ATP1A1: variants seen among roughly 807,000 people sequenced by gnomAD.
ATP1A1 encodes the protein sodium/potassium-transporting ATPase subunit alpha-1.
In ATP1A1, 14 loss-of-function variants were observed where a neutral mutation model predicts 114.8. The ratio of observed to expected loss-of-function variants is 0.12; its 90% CI spans 0.08 to 0.19. The LOEUF (loss-of-function observed/expected upper bound fraction) is 0.19, where lower values mean the gene tolerates loss of function less well. Among genes scored for constraint, ATP1A1 ranks in the 10% least tolerant of loss-of-function variants. The probability of loss-of-function intolerance (pLI) is 1.00; values close to 1 mark genes in which losing one functional copy is unlikely to be tolerated. For synonymous variants in ATP1A1, 471 were observed against 466.3 expected (o/e 1.01, Z -0.13); for missense variants, 524 against 1,290.7 (o/e 0.41, Z 9.10).
chr1:116,389,752 G>A lies in ATP1A1; in HGVS notation c.1023+45G>A, dbSNP rs200521791. On this transcript the variant is annotated intron_variant, in intron 8 of 22. Transcript: ENST00000295598. This position sits in a 1 kb window ranked among gnomAD's most constrained non-coding sequence, Gnocchi z 6.9. The stretch of plus-strand genomic sequence containing the variant: ...CACCCTGACTCAGATCAGCTTGCAC[G>A]AATGTTACACTCTTCCGCTATCCTA... 40 of 1,609,592 alleles carry A rather than the reference G, an allele frequency of 2.5e-5. No homozygotes were observed. The East Asian group carries it at 3.8e-4, about 15-fold the overall frequency.
chr1:116,390,025 A>C (rs148221990), intron 8 of ATP1A1, 188 bp from the exon 9 acceptor site: 5 of 690,054 alleles, frequency 7.2e-6, no homozygotes, highest in South Asian at 5.8e-5. Flanking sequence ...ATTTTTCTTA[A>C]TAGATTGCTT....
chr1:116,401,749 T>G lies in ATP1A1; in HGVS notation c.2951+94T>G. 1 of 1,318,010 alleles carries G rather than the reference T, an allele frequency of 7.6e-7. No individual in the cohort carries two copies. Among genetic ancestry groups the G allele is most frequent in the Non-Finnish European group, 1.1e-6 (1 of 931,656 alleles). 81.6% of individuals were successfully genotyped at this position (1,318,010 alleles called of 1,614,324 possible). ...TGGTAATAGTTGTTATTTTCAGAAT[T>G]TTGAGTGGTATGTACAAAAATTCCT... On this transcript the variant is annotated intron_variant, in intron 21 of 22. Transcript: ENST00000295598. The surrounding 1 kb of genome is among the most constrained non-coding windows in gnomAD (Gnocchi z 4.7).
chr1:116,373,554 T>C (rs1201196080), intron 1 of ATP1A1, 31 bp downstream of exon 1: 2 of 1,432,490 alleles, frequency 1.4e-6, no homozygotes, highest in Non-Finnish European at 1.8e-6. Context: ...GGGAGGGGGC[T>C]CGGGGAGCCC....
At position 116,396,802 on chromosome 1, in the gene ATP1A1, C is replaced by T. The variant is rs561949537; in HGVS notation, c.1973+68C>T. The T allele has an allele frequency of 4.9e-5, 73 of 1,483,602 alleles. No individual in the cohort carries two copies. In the South Asian group the frequency reaches 7.9e-4, roughly 16 times the overall value. 91.9% of individuals were successfully genotyped at this position (1,483,602 alleles called of 1,614,324 possible). A position where few individuals can be genotyped will look rare whatever the true frequency, so the allele number is the denominator to read the frequency against. On this transcript the variant is annotated intron_variant, in intron 14 of 22. Coordinates refer to ENST00000295598, the MANE Select transcript of ATP1A1 (RefSeq NM_000701.8). The stretch of plus-strand genomic sequence containing the variant: ...AATAGTGATGGTTTAAAATCTTCAG[C>T]GTGGTTCTATAATGGTTTGCATCTA...
chr1:116,392,907 G>A lies in ATP1A1; in HGVS notation c.1386G>A (p.Leu462=), dbSNP rs748017199. The change falls in exon 11 of 23, where the codon CTG becomes CTA. Residue 462 remains leucine (L), a synonymous_variant. Transcript: ENST00000295598. ...SESALLKCIE[L]CCGSVKEMRE... is the part of the protein sequence containing the mutation. ...CAGCACTCTTAAAGTGCATAGAGCT[G>A]TGCTGTGGTTCCGTGAAGGAGATGA... 4.3e-6 allele frequency: 7 copies of A among 1,614,080 alleles called. No homozygotes were observed. Among genetic ancestry groups the A allele is most frequent in the Non-Finnish European group, 5.9e-6 (7 of 1,180,050 alleles).
chr1:116,373,732 AG>A (rs1651150669), intron 1 of ATP1A1: 1 of 631,346 alleles, frequency 1.6e-6, no homozygotes. Flanking sequence ...GGGAGCGCCG[AG>A]GGGCTGGAGC....
Position 116,404,013 on chromosome 1 carries a change from T to A in ATP1A1, c.3043+38T>A. 6.3e-7 allele frequency: 1 copy of A among 1,582,232 alleles called. No homozygotes were observed. Among genetic ancestry groups the A allele is most frequent in the Non-Finnish European group, 8.7e-7 (1 of 1,152,260 alleles). On this transcript the variant is annotated intron_variant, in intron 22 of 22. Coordinates refer to ENST00000295598, the MANE Select transcript of ATP1A1 (RefSeq NM_000701.8). This position sits in a 1 kb window ranked among gnomAD's most constrained non-coding sequence, Gnocchi z 4.8. ...ATTCTGACTTTGGTTGGAGGAGGAG[T>A]GGGAGGGGCTATAGTTCTATTGGTT...
Position 116,387,789 on chromosome 1 carries a change from G to A in ATP1A1, c.387+298G>A, listed in dbSNP as rs1455894535. 2.0e-5 allele frequency among the ~76,000 whole-genome samples: 3 copies of A among 152,230 alleles called. No homozygotes were observed. Among genetic ancestry groups the A allele is most frequent in the East Asian group, 1.9e-4 (1 of 5,194 alleles). ...CACCCACTGGATGGCAGAGCACAGC[G>A]ATTCATGTTGGCACATCCACCTGTC... is the stretch of plus-strand genomic sequence containing the variant. On this transcript the variant is annotated intron_variant, in intron 4 of 22. Transcript: ENST00000295598. The surrounding 1 kb of genome is among the most constrained non-coding windows in gnomAD (Gnocchi z 6.7).
intron 18 of ATP1A1, among the ~76,000 whole-genome samples, chr1:116,400,009 T>G (rs1056230080): frequency 6.6e-6 from 1 of 152,222 alleles, no homozygotes; most frequent in Non-Finnish European, 1.5e-5. Flanking sequence ...TCCATCCACC[T>G]CACACTGGAC....
intron 9 of ATP1A1, 92 bp from the exon 10 acceptor site, chr1:116,390,690 C>T (rs572977802): frequency 1.9e-6 from 2 of 1,070,274 alleles, no homozygotes; most frequent in Non-Finnish European, 2.8e-6. Context: ...TGTATCACTG[C>T]AGATTTCTAT....
chr1:116,382,783 T>C (rs1053232655), intron 1 of ATP1A1, among the ~76,000 whole-genome samples: 6 of 152,248 alleles, frequency 3.9e-5, no homozygotes, highest in Non-Finnish European at 8.8e-5. Context: ...AATTATAATC[T>C]GGACACGAGT....
At chr1:116,374,878 G>A (rs1557776795) in intron 1 of ATP1A1, among the ~76,000 whole-genome samples, 1 of 152,164 alleles carries the variant, frequency 6.6e-6, no homozygotes, top group Non-Finnish European at 1.5e-5. Flanking sequence ...TTTTAAAGGA[G>A]GTAATTGAAA....
Position 116,389,735 on chromosome 1 carries a change from C to G in ATP1A1, c.1023+28C>G. The G allele has an allele frequency of 1.2e-6, 2 of 1,612,674 alleles. No individual in the cohort carries two copies. Among genetic ancestry groups the G allele is most frequent in the South Asian group, 1.1e-5 (1 of 91,026 alleles). Reference sequence around the variant, plus strand: ...AAGAGGCAGGTGATGGTCACCCTGACTCAGATCAGCTTGCACGAATGTTAC... The same window carrying G: ...AAGAGGCAGGTGATGGTCACCCTGAGTCAGATCAGCTTGCACGAATGTTAC... On this transcript the variant is annotated intron_variant, in intron 8 of 22. Coordinates refer to ENST00000295598, the MANE Select transcript of ATP1A1 (RefSeq NM_000701.8). This position sits in a 1 kb window ranked among gnomAD's most constrained non-coding sequence, Gnocchi z 6.9.
intron 1 of ATP1A1, 96 bp downstream of exon 1, chr1:116,373,619 G>C (rs1651138727): frequency 1.6e-6 from 2 of 1,278,684 alleles, no homozygotes; most frequent in Non-Finnish European, 2.0e-6. Context: ...GGAGGCGGCG[G>C]AGGAGGAAGC....
chr1:116,402,277 T>C (rs1333651749), intron 21 of ATP1A1, among the ~76,000 whole-genome samples: 3 of 152,236 alleles, frequency 2.0e-5, no homozygotes, highest in Non-Finnish European at 2.9e-5. Context: ...TTTTGCAACA[T>C]TGAGTATGTT....
At chr1:116,377,801 G>T (rs1651470153) in intron 1 of ATP1A1, among the ~76,000 whole-genome samples, 1 of 152,216 alleles carries the variant, frequency 6.6e-6, no homozygotes, top group African/African-American at 2.4e-5. Context: ...GCTGGGTTTG[G>T]ACGGCAAAGC....
Position 116,397,554 on chromosome 1 carries a change from A to G in ATP1A1, c.1974-334A>G, listed in dbSNP as rs1264285143. 6.6e-6 allele frequency among the ~76,000 whole-genome samples: 1 copy of G among 151,908 alleles called. No homozygotes were observed. The highest frequency in any genetic ancestry group is 2.4e-5 in the African/African-American group (1 of 41,322). ...ACTCCTGACCTCAAGTGATCCACTC[A>G]CCTCAGCCTCCCAAAGTGCTGGGAT... On this transcript the variant is annotated intron_variant, in intron 14 of 22. Transcript: ENST00000295598. This position sits in a 1 kb window ranked among gnomAD's most constrained non-coding sequence, Gnocchi z 4.2.
chr1:116,376,461 G>T (rs989055859), intron 1 of ATP1A1, among the ~76,000 whole-genome samples: 1 of 152,302 alleles, frequency 6.6e-6, no homozygotes, highest in East Asian at 1.9e-4. Context: ...GGGCCTGGCC[G>T]GGAGCTAGTG....
chr1:116,398,884 T>C lies in ATP1A1; in HGVS notation c.2294-46T>C. ...CTTCTTGGATATGTTCAGTTTCCAG[T>C]GTGCTTGTCTCATAAGCTAACAGTA... On this transcript the variant is annotated intron_variant, in intron 16 of 22. Transcript: ENST00000295598. This position sits in a 1 kb window ranked among gnomAD's most constrained non-coding sequence, Gnocchi z 6.1. 1 of 1,612,180 alleles carries C rather than the reference T, an allele frequency of 6.2e-7. No individual in the cohort carries two copies.
Sources: allele counts gnomAD v4.1 joint callset (sites outside exome capture counted in the v4.1 genomes callset), GRCh38; gene constraint gnomAD v4.1.1; non-coding constraint Gnocchi (gnomAD v3.1); transcripts MANE v1.5; gene names NCBI Gene and HGNC (gene_info 2026-07-23, HGNC 2026-07-21).